The following CSMD1 variants were observed in gnomAD, a reference collection of about 807,000 sequenced individuals.
CSMD1 encodes the protein CUB and sushi domain-containing protein 1.
A neutral mutation model predicts 417.5 loss-of-function variants in CSMD1; 213 were observed. The observed-to-expected ratio is 0.51, with a 90% confidence interval of 0.46 to 0.57. The LOEUF (loss-of-function observed/expected upper bound fraction) is 0.57, where lower values mean the gene tolerates loss of function less well. Ranked by LOEUF, CSMD1 falls within the 20% of genes least tolerant of loss-of-function variation. The probability of loss-of-function intolerance (pLI) is 0.00; values close to 1 mark genes in which losing one functional copy is unlikely to be tolerated. For missense variants in CSMD1, 6,923 were observed against 4,529.7 expected (o/e 1.53, Z -15.17); for synonymous variants, 2,862 against 1,736.8 (o/e 1.65, Z -16.11).
chr8:3,350,029 GTGTTA>G (rs1220071994), intron 21 of CSMD1, among the ~76,000 whole-genome samples: 1 of 140,322 alleles, frequency 7.1e-6, no homozygotes. Flanking sequence ...GTGTATGTGT[GTGTTA>G]TAATACCTAT....
chr8:4,470,257 G>A (rs1199081518), intron 2 of CSMD1, among the ~76,000 whole-genome samples: 1 of 151,934 alleles, frequency 6.6e-6, no homozygotes, highest in African/African-American at 2.4e-5. Flanking sequence ...TCCCATCAGG[G>A]GCTCCTCCTC....
At chr8:4,320,582 C>G (rs1233572318) in intron 3 of CSMD1, among the ~76,000 whole-genome samples, 1 of 152,014 alleles carries the variant, frequency 6.6e-6, no homozygotes, top group Non-Finnish European at 1.5e-5. Context: ...TTGTTCAACT[C>G]CCACTTATGA....
intron 7 of CSMD1, among the ~76,000 whole-genome samples, chr8:3,653,939 T>C (rs868063112): frequency 6.6e-6 from 1 of 152,238 alleles, no homozygotes; most frequent in Admixed American, 6.5e-5. Context: ...CTGACAAGTT[T>C]CATTTCACCC....
intron 2 of CSMD1, among the ~76,000 whole-genome samples, chr8:4,440,712 C>A (rs1271714969): frequency 4.6e-5 from 7 of 152,094 alleles, no homozygotes; most frequent in Non-Finnish European, 7.4e-5. Context: ...TTAATTAATT[C>A]TGGCCGGGTG....
At chr8:4,679,336 A>C (rs1805896570) in intron 1 of CSMD1, among the ~76,000 whole-genome samples, 1 of 152,168 alleles carries the variant, frequency 6.6e-6, no homozygotes, top group East Asian at 1.9e-4. Context: ...CCCATTTTTG[A>C]TAAACAATGA....
chr8:4,262,367 A>G (rs769897589), intron 3 of CSMD1, among the ~76,000 whole-genome samples: 1 of 152,188 alleles, frequency 6.6e-6, no homozygotes, highest in Non-Finnish European at 1.5e-5. Flanking sequence ...AGGACACATA[A>G]GCAGGCTGAA....
At chr8:3,888,230 G>C (rs958235327) in intron 5 of CSMD1, among the ~76,000 whole-genome samples, 2 of 152,136 alleles carry the variant, frequency 1.3e-5, no homozygotes, top group East Asian at 1.9e-4. Flanking sequence ...TAAAGTTAGA[G>C]GAATAAGCAA....
At chr8:4,703,799 C>G (rs1466835770) in intron 1 of CSMD1, among the ~76,000 whole-genome samples, 1 of 152,188 alleles carries the variant, frequency 6.6e-6, no homozygotes, top group Non-Finnish European at 1.5e-5. Flanking sequence ...ACCCGATCAT[C>G]AAGCTCAACA....
At chr8:4,368,972 G>C (rs903542681) in intron 3 of CSMD1, among the ~76,000 whole-genome samples, 2 of 151,770 alleles carry the variant, frequency 1.3e-5, no homozygotes, top group Non-Finnish European at 2.9e-5. Context: ...CTCTGATTTT[G>C]GTTATTTTCT....
At chr8:3,957,713 A>G (rs1431368142) in intron 5 of CSMD1, among the ~76,000 whole-genome samples, 1 of 114,734 alleles carries the variant, frequency 8.7e-6, no homozygotes, top group South Asian at 3.5e-4. Context: ...AGAGGAAAAG[A>G]GAAAAGAAAA....
intron 2 of CSMD1, among the ~76,000 whole-genome samples, chr8:4,602,066 G>A (rs970135122): frequency 5.9e-5 from 9 of 152,174 alleles, no homozygotes; most frequent in African/African-American, 2.2e-4. Flanking sequence ...AATAGATAAA[G>A]GATGTATTAG....
At chr8:4,845,245 T>C (rs1028026698) in intron 1 of CSMD1, among the ~76,000 whole-genome samples, 3 of 152,204 alleles carry the variant, frequency 2.0e-5, no homozygotes, top group Non-Finnish European at 2.9e-5. Flanking sequence ...AGTATTATAT[T>C]TGATAAAGAC....
Position 3,520,012 on chromosome 8 carries a change from G to GTGTATACATATATATATA in CSMD1, c.1345-26287_1345-26286insTATATATATATGTATACA, listed in dbSNP as rs1225105460. 2.1e-4 allele frequency among the ~76,000 whole-genome samples: 25 copies of GTGTATACATATATATATA among 120,110 alleles called. No individual in the cohort carries two copies. The East Asian group carries it at 4.6e-3, about 22-fold the overall frequency. 78.8% of individuals were successfully genotyped at this position (120,110 alleles called of 152,430 possible). A position where few individuals can be genotyped will look rare whatever the true frequency, so the allele number is the denominator to read the frequency against. ...TGTGTGCATATATATGTGTGTGTGT[G>GTGTATACATATATATATA]TATATACCTATATATATATATATAT... On this transcript the variant is annotated intron_variant, in intron 10 of 69. Transcript: ENST00000635120.
chr8:4,236,498 T>C (rs995445948), intron 3 of CSMD1, among the ~76,000 whole-genome samples: 4 of 152,130 alleles, frequency 2.6e-5, no homozygotes, highest in Non-Finnish European at 5.9e-5. Context: ...AGAGTAGGAA[T>C]CTGAGATGAT....
chr8:3,316,336 T>C (rs1013430060), intron 23 of CSMD1, among the ~76,000 whole-genome samples: 7 of 152,090 alleles, frequency 4.6e-5, no homozygotes, highest in African/African-American at 1.7e-4. Context: ...AAAAATGTTT[T>C]CAAATCTATC....
intron 8 of CSMD1, among the ~76,000 whole-genome samples, chr8:3,609,689 G>C (rs1291563051): frequency 1.3e-5 from 2 of 149,366 alleles, no homozygotes; most frequent in Non-Finnish European, 3.0e-5. Flanking sequence ...GGCCTTGTTG[G>C]TTGTTAGTTT....
intron 3 of CSMD1, among the ~76,000 whole-genome samples, chr8:4,307,653 G>C (rs922420458): frequency 2.0e-5 from 3 of 152,092 alleles, no homozygotes; most frequent in Non-Finnish European, 4.4e-5. Context: ...AAGGACGATG[G>C]GAAATGGGTT....
At chr8:4,910,755 G>A (rs922831308) in intron 1 of CSMD1, among the ~76,000 whole-genome samples, 8 of 152,256 alleles carry the variant, frequency 5.3e-5, no homozygotes, top group East Asian at 1.9e-4. Flanking sequence ...ATTATATATT[G>A]TCTCACCCCA....
chr8:3,205,545 C>T lies in CSMD1; in HGVS notation c.4943G>A (p.Gly1648Asp), dbSNP rs762616652. Residue 1648 changes from glycine (G) to aspartate (D), a missense_variant, in exon 31 of 70, where the codon GGT becomes GAT. Physicochemically the swap from Gly to Asp is moderately conservative, Grantham distance 94. Transcript: ENST00000635120. ...SPNYPHNYTA[G>D]QICLYSITVP... is the part of the protein sequence containing the mutation. ...CGTGATGGAATAGAGGCATATTTGACCAGCTGTGTAATTATGGGGGTAGTT... is the reference window on the plus strand; with the variant it reads ...CGTGATGGAATAGAGGCATATTTGATCAGCTGTGTAATTATGGGGGTAGTT... 1.9e-6 allele frequency: 3 copies of T among 1,601,170 alleles called. No homozygotes were observed. The highest frequency in any genetic ancestry group is 1.3e-5 in the African/African-American group (1 of 74,722).
Sources: gnomAD v4.1 joint callset for allele counts (sites outside exome capture counted in the v4.1 genomes callset) on GRCh38, gnomAD v4.1.1 for gene constraint, MANE v1.5 for transcripts, NCBI Gene and HGNC (gene_info 2026-07-23, HGNC 2026-07-21) for gene names.